NEK7: variants seen among roughly 807,000 people sequenced by gnomAD.
NEK7 encodes the protein serine/threonine-protein kinase Nek7.
In NEK7, 18 loss-of-function variants were observed where a neutral mutation model predicts 44.6. The ratio of observed to expected loss-of-function variants is 0.40; its 90% CI spans 0.28 to 0.60. The LOEUF is 0.60. Ranked by LOEUF, NEK7 falls within the 20% of genes least tolerant of loss-of-function variation. The pLI is 0.38. For synonymous variants in NEK7, 130 were observed against 121.1 expected, an observed-to-expected ratio of 1.07 and a Z score of -0.48; for missense variants, 256 against 366.5, an observed-to-expected ratio of 0.70 and a Z score of 2.46.
In NEK7 at chr1:198,184,315, C is replaced by T. The variant is rs753670960; in HGVS notation, c.-29+27039C>T. 5.3e-5 allele frequency among the ~76,000 whole-genome samples: 8 copies of T among 152,080 alleles called. No homozygotes were observed. The East Asian group carries it at 9.6e-4, about 18-fold the overall frequency. On this transcript the variant is annotated intron_variant, in intron 1 of 9. Transcript: ENST00000367385. The stretch of plus-strand genomic sequence containing the variant: ...ATAACAATTGGTTTATGACTCAGTG[C>T]GATTTTTCTTGAAGGGGTAGATTTA...
At chr1:198,258,867 A>C (rs1379523540) in intron 3 of NEK7, among the ~76,000 whole-genome samples, 2 of 152,162 alleles carry the variant, frequency 1.3e-5, no homozygotes, top group Non-Finnish European at 2.9e-5. Flanking sequence ...CCATATTTTC[A>C]CCCAAGACAT....
intron 1 of NEK7, among the ~76,000 whole-genome samples, chr1:198,176,338 A>G (rs966165954): frequency 2.6e-5 from 4 of 152,208 alleles, no homozygotes; most frequent in African/African-American, 7.2e-5. Flanking sequence ...CCTGAGTACC[A>G]AGCAAGGTTG....
chr1:198,175,923 T>C (rs1664591057), intron 1 of NEK7, among the ~76,000 whole-genome samples: 1 of 152,202 alleles, frequency 6.6e-6, no homozygotes, highest in South Asian at 2.1e-4. Flanking sequence ...TGCCCTGATT[T>C]GATTTGTTGT....
chr1:198,290,482 G>A (rs1013717514), intron 7 of NEK7, among the ~76,000 whole-genome samples: 1 of 152,114 alleles, frequency 6.6e-6, no homozygotes, highest in Admixed American at 6.6e-5. Flanking sequence ...ATAGAGAGAG[G>A]TAAGGACTAA....
At chr1:198,216,007 A>T (rs1665908240) in intron 1 of NEK7, among the ~76,000 whole-genome samples, 1 of 152,148 alleles carries the variant, frequency 6.6e-6, no homozygotes, top group South Asian at 2.1e-4. Flanking sequence ...CTGAAGCAGA[A>T]ATTTAACAAA....
chr1:198,251,362 C>G (rs909905192), intron 2 of NEK7, among the ~76,000 whole-genome samples: 21 of 145,206 alleles, frequency 1.4e-4, no homozygotes, highest in South Asian at 2.3e-4. Flanking sequence ...CTCTGCCCGG[C>G]TTTGGTATCA....
At chr1:198,163,295 C>T (rs1250300034) in intron 1 of NEK7, among the ~76,000 whole-genome samples, 1 of 151,944 alleles carries the variant, frequency 6.6e-6, no homozygotes. Flanking sequence ...GAGTTCAAGA[C>T]CAGCCTGATC....
intron 8 of NEK7, 130 bp from the exon 9 acceptor site, chr1:198,296,997 A>G (rs1290211594): frequency 3.5e-6 from 2 of 574,062 alleles, no homozygotes; most frequent in African/African-American, 3.8e-5. Flanking sequence ...ATATTCATAA[A>G]AATCAAAATG....
At chr1:198,257,917 A>C (rs931190715) in intron 3 of NEK7, among the ~76,000 whole-genome samples, 1 of 152,190 alleles carries the variant, frequency 6.6e-6, no homozygotes, top group Non-Finnish European at 1.5e-5. Flanking sequence ...ACAATAATTA[A>C]ATCCAACATT....
chr1:198,317,877 A>ATTTTTGTTTTTT (rs537862004), intron 9 of NEK7, among the ~76,000 whole-genome samples: 8 of 70,266 alleles, frequency 1.1e-4, no homozygotes, highest in Non-Finnish European at 1.5e-4. Flanking sequence ...GGATATATTT[A>ATTTTTGTTTTTT]TTTTTTTTTT....
At chr1:198,221,440 G>T (rs1373785225) in intron 1 of NEK7, among the ~76,000 whole-genome samples, 1 of 150,772 alleles carries the variant, frequency 6.6e-6, no homozygotes, top group Non-Finnish European at 1.5e-5. Context: ...TTTTTTTTCT[G>T]CCTAAAGACC....
chr1:198,220,277 G>A (rs1056367358), intron 1 of NEK7, among the ~76,000 whole-genome samples: 11 of 151,790 alleles, frequency 7.2e-5, no homozygotes, highest in Non-Finnish European at 1.6e-4. Flanking sequence ...ATACTACCTT[G>A]TCTTTGGCAC....
intron 3 of NEK7, among the ~76,000 whole-genome samples, chr1:198,261,156 A>T (rs1653449617): frequency 6.6e-6 from 1 of 151,952 alleles, no homozygotes. Flanking sequence ...CCGCCACCCT[A>T]CATGGAAGGA....
At chr1:198,249,016 A>C (rs1666911512) in intron 2 of NEK7, among the ~76,000 whole-genome samples, 2 of 148,514 alleles carry the variant, frequency 1.3e-5, no homozygotes, top group South Asian at 4.4e-4. Context: ...CATTAGGTAT[A>C]TCTCCTAAAG....
chr1:198,278,867 A>C (rs1654102687), intron 6 of NEK7, 87 bp from the exon 7 acceptor site: 1 of 687,596 alleles, frequency 1.5e-6, no homozygotes, highest in Admixed American at 2.7e-5. Flanking sequence ...ATAAATTTTA[A>C]ATTCTGTCAC....
chr1:198,266,725 G>C (rs1296725111), intron 5 of NEK7, among the ~76,000 whole-genome samples: 1 of 151,896 alleles, frequency 6.6e-6, no homozygotes, highest in Non-Finnish European at 1.5e-5. Context: ...ATAATATATA[G>C]TATGTTTATA....
chr1:198,288,837 C>T (rs1201340308), intron 7 of NEK7, among the ~76,000 whole-genome samples: 1 of 152,120 alleles, frequency 6.6e-6, no homozygotes, highest in Non-Finnish European at 1.5e-5. Context: ...GCATTGAACA[C>T]AGGGCCTGGA....
At chr1:198,264,262 G>A in intron 5 of NEK7, 27 bp downstream of exon 5, 1 of 1,491,230 alleles carries the variant, frequency 6.7e-7, no homozygotes, top group Non-Finnish European at 9.2e-7. Context: ...TTGTCTTAAT[G>A]TTTTGTTTTG....
chr1:198,249,340 G>T (rs1652826951), intron 2 of NEK7, among the ~76,000 whole-genome samples: 2 of 152,042 alleles, frequency 1.3e-5, no homozygotes, highest in Admixed American at 1.3e-4. Flanking sequence ...GAATAGTGCT[G>T]CAATAAACAT....
Sources: allele counts gnomAD v4.1 joint callset (sites outside exome capture counted in the v4.1 genomes callset), GRCh38; gene constraint gnomAD v4.1.1; transcripts MANE v1.5; gene names NCBI Gene and HGNC (gene_info 2026-07-23, HGNC 2026-07-21).